ADAM9: variants seen among roughly 807,000 people sequenced by gnomAD.
The protein encoded by ADAM9 is disintegrin and metalloproteinase domain-containing protein 9.
In ADAM9, 54 loss-of-function variants were observed where a neutral mutation model predicts 108.1. That is an observed-to-expected ratio of 0.50 (90% CI 0.40 to 0.63). The LOEUF is 0.63. Among genes scored for constraint, ADAM9 ranks in the 20% least tolerant of loss-of-function variants. ADAM9 has a pLI of 0.00. For synonymous variants in ADAM9, 316 were observed against 336.0 expected, an observed-to-expected ratio of 0.94 and a Z score of 0.65; for missense variants, 830 against 997.7, an observed-to-expected ratio of 0.83 and a Z score of 2.26.
At chr8:39,041,870 G>T (rs1341397526) in intron 11 of ADAM9, 76 bp from the exon 12 acceptor site, 2 of 1,339,610 alleles carry the variant, frequency 1.5e-6, no homozygotes, top group Non-Finnish European at 2.1e-6. Flanking sequence ...ACATTTTGTG[G>T]GTTAAAGTCA....
At chr8:39,014,858 G>T in intron 4 of ADAM9, 1 of 307,480 alleles carries the variant, frequency 3.3e-6, no homozygotes, top group Non-Finnish European at 5.9e-6. Flanking sequence ...CAAAAACCAA[G>T]GAAATGCTGA....
At position 39,008,001 on chromosome 8, in the gene ADAM9, A is replaced by G. The variant is rs1362198548; in HGVS notation, c.195+18A>G. Reference sequence around the variant, plus strand: ...CAAAACAAGTAAGTTATAATTGTTGAGAAATAATATGTGGTTAATTTTTTT... The same window carrying G: ...CAAAACAAGTAAGTTATAATTGTTGGGAAATAATATGTGGTTAATTTTTTT... On this transcript the variant is annotated intron_variant, in intron 2 of 21. Coordinates refer to ENST00000487273, the MANE Select transcript of ADAM9 (RefSeq NM_003816.3). 1 of 1,533,454 alleles carries G rather than the reference A, an allele frequency of 6.5e-7. No homozygotes were observed. Among genetic ancestry groups the G allele is most frequent in the African/African-American group, 1.4e-5 (1 of 73,424 alleles). 95.0% of individuals were successfully genotyped at this position (1,533,454 alleles called of 1,614,324 possible).
At chr8:39,028,332 G>A (rs1836991109) in intron 11 of ADAM9, among the ~76,000 whole-genome samples, 2 of 151,960 alleles carry the variant, frequency 1.3e-5, no homozygotes, top group South Asian at 4.1e-4. Context: ...ATATGGAAGA[G>A]TTAAAATAGT....
intron 14 of ADAM9, among the ~76,000 whole-genome samples, chr8:39,059,782 T>TTCATA (rs1564328538): frequency 6.6e-6 from 1 of 152,244 alleles, no homozygotes; most frequent in Admixed American, 6.5e-5. Flanking sequence ...CTTTTGGTTC[T>TTCATA]TCATATCATA....
At chr8:39,004,685 C>G (rs1185587514) in intron 1 of ADAM9, among the ~76,000 whole-genome samples, 1 of 152,136 alleles carries the variant, frequency 6.6e-6, no homozygotes, top group African/African-American at 2.4e-5. Flanking sequence ...GGTTATATGC[C>G]AAACAAGGGG....
chr8:39,033,810 A>G (rs1376540491), intron 11 of ADAM9, among the ~76,000 whole-genome samples: 1 of 152,180 alleles, frequency 6.6e-6, no homozygotes, highest in African/African-American at 2.4e-5. Context: ...GTTTAAATCT[A>G]CCATCTTATA....
At chr8:39,074,027 A>G (rs1317164107) in intron 15 of ADAM9, among the ~76,000 whole-genome samples, 1 of 152,170 alleles carries the variant, frequency 6.6e-6, no homozygotes, top group African/African-American at 2.4e-5. Context: ...GTTGTTTTGA[A>G]CTGAATGAGT....
intron 11 of ADAM9, among the ~76,000 whole-genome samples, chr8:39,036,024 G>A (rs1226224902): frequency 6.7e-6 from 1 of 148,368 alleles, no homozygotes; most frequent in Admixed American, 6.7e-5. Flanking sequence ...CTATCATTTT[G>A]TTTGGCTTTT....
At chr8:38,998,311 C>T (rs535018784) in intron 1 of ADAM9, among the ~76,000 whole-genome samples, 1 of 152,314 alleles carries the variant, frequency 6.6e-6, no homozygotes, top group East Asian at 1.9e-4. Flanking sequence ...GTTAAAACTA[C>T]TTTTCCGGTG....
chr8:39,014,411 A>G (rs1836458492), intron 4 of ADAM9: 4 of 590,718 alleles, frequency 6.8e-6, no homozygotes, highest in South Asian at 6.5e-5. Flanking sequence ...TGTCAGTGAT[A>G]TTTAGTAAAG....
rs1200514682 is a variant in ADAM9 at position 39,045,463 on chromosome 8, CGT to C, written c.1302+3353_1302+3354del. On this transcript the variant is annotated intron_variant, in intron 12 of 21. Coordinates refer to ENST00000487273, the MANE Select transcript of ADAM9 (RefSeq NM_003816.3). Reference sequence around the variant, plus strand: ...GCGTGTGTACACACACCTATATGTGCGTGTGTGTACACACACCTATATGTGCG... The same window carrying C: ...GCGTGTGTACACACACCTATATGTGCGTGTGTACACACACCTATATGTGCG... Among the ~76,000 whole-genome samples, 14 of 143,304 alleles carry C rather than the reference CGT, an allele frequency of 9.8e-5. 2 individuals carry two copies. The highest frequency in any genetic ancestry group is 2.2e-4 in the South Asian group (1 of 4,578). 94.0% of individuals were successfully genotyped at this position (143,304 alleles called of 152,430 possible). A position where few individuals can be genotyped will look rare whatever the true frequency, so the allele number is the denominator to read the frequency against.
rs1588405812 is a variant in ADAM9, at chr8:39,067,922, A to G, written c.1592-3376A>G. ...TTATTATTTTGAGATATGTCCCATCAATACCTAATGTATTGAGAGTTTTTA... is the reference window on the plus strand; with the variant it reads ...TTATTATTTTGAGATATGTCCCATCGATACCTAATGTATTGAGAGTTTTTA... On this transcript the variant is annotated intron_variant, in intron 14 of 21. Transcript: ENST00000487273. 2.0e-5 allele frequency among the ~76,000 whole-genome samples: 3 copies of G among 152,308 alleles called. No individual in the cohort carries two copies. The East Asian group carries it at 5.8e-4, about 29-fold the overall frequency.
At position 39,088,630 on chromosome 8, in the gene ADAM9, C is replaced by T. The variant is rs765222561; in HGVS notation, c.2069-1417C>T. Among the ~76,000 whole-genome samples the T allele has an allele frequency of 3.1e-4, 47 of 152,186 alleles. No homozygotes were observed. The Middle Eastern group carries it at 0.01, about 33-fold the overall frequency. ...AAATTATGAATCAGTTTACCACTCC[C>T]GTTTATATCTACTATATTGTTTCTC... On this transcript the variant is annotated intron_variant, in intron 18 of 21. Transcript: ENST00000487273.
chr8:39,060,750 G>T (rs1416486904), intron 14 of ADAM9, among the ~76,000 whole-genome samples: 1 of 152,208 alleles, frequency 6.6e-6, no homozygotes, highest in Non-Finnish European at 1.5e-5. Context: ...GTGATATTTT[G>T]TGGAAGGAAA....
At chr8:39,049,945 A>G (rs1267677165) in intron 12 of ADAM9, among the ~76,000 whole-genome samples, 2 of 152,188 alleles carry the variant, frequency 1.3e-5, no homozygotes, top group African/African-American at 4.8e-5. Context: ...TCTTAGAAGA[A>G]AGGTCTAATC....
rs1002108391 is a variant in ADAM9, at chr8:39,017,065, G to C, written c.411-154G>C. 15 of 805,576 alleles carry C rather than the reference G, an allele frequency of 1.9e-5. No homozygotes were observed. In the South Asian group the frequency reaches 2.4e-4, roughly 13 times the overall value. The allele number at this position is 805,576 out of a possible 1,614,324, so 49.9% of individuals were successfully genotyped here. Reference sequence around the variant, plus strand: ...GAGCTTTCAATTTAGGTCCGTCCCAGCCCTATCTGTCTGATTCTAAAGCCT... The same window carrying C: ...GAGCTTTCAATTTAGGTCCGTCCCACCCCTATCTGTCTGATTCTAAAGCCT... On this transcript the variant is annotated intron_variant, in intron 5 of 21. Transcript: ENST00000487273.
At chr8:39,065,094 G>A (rs1443813198) in intron 14 of ADAM9, among the ~76,000 whole-genome samples, 2 of 151,326 alleles carry the variant, frequency 1.3e-5, no homozygotes, top group African/African-American at 2.4e-5. Flanking sequence ...CATTTTTTTG[G>A]TGTGATTTCT....
intron 1 of ADAM9, among the ~76,000 whole-genome samples, chr8:39,003,937 G>T (rs963407759): frequency 4.6e-5 from 7 of 151,974 alleles, no homozygotes; most frequent in African/African-American, 1.5e-4. Flanking sequence ...TGGCAGTCTC[G>T]GTAAAAGATT....
intron 12 of ADAM9, among the ~76,000 whole-genome samples, chr8:39,048,466 A>C (rs1837846528): frequency 1.3e-5 from 2 of 152,140 alleles, no homozygotes; most frequent in South Asian, 4.1e-4. Context: ...AGTCTTCTTA[A>C]ATTTCTGAAG....
Sources: allele counts gnomAD v4.1 joint callset (sites outside exome capture counted in the v4.1 genomes callset), GRCh38; gene constraint gnomAD v4.1.1; transcripts MANE v1.5; gene names NCBI Gene and HGNC (gene_info 2026-07-23, HGNC 2026-07-21).